EFR3B: variants seen among roughly 807,000 people sequenced by gnomAD.
EFR3B encodes protein EFR3 homolog B.
EFR3B carries 64 observed loss-of-function variants against 104.7 expected under a neutral mutation model. The observed-to-expected ratio is 0.61, with a 90% CI of 0.50 to 0.75. The LOEUF is 0.75. EFR3B is among the 30% of genes least tolerant of loss of function. The pLI is 0.00. For missense variants in EFR3B, 750 were observed against 1,078.5 expected, an observed-to-expected ratio of 0.70 and a Z score of 4.27; for synonymous variants, 385 against 417.9, an observed-to-expected ratio of 0.92 and a Z score of 0.96.
At chr2:25,047,327 C>G (rs1031299461) in intron 1 of EFR3B, among the ~76,000 whole-genome samples, 83 of 152,000 alleles carry the variant, frequency 5.5e-4, no homozygotes, top group Non-Finnish European at 1.0e-3. Flanking sequence ...AACCCTAGCT[C>G]CGACCCTCGG....
chr2:25,043,635 G>A (rs766258747), intron 1 of EFR3B, among the ~76,000 whole-genome samples: 1 of 152,228 alleles, frequency 6.6e-6, no homozygotes, highest in Admixed American at 6.5e-5. Context: ...GTGGGAGGAG[G>A]GGGAGGTTGG....
At position 25,080,941 on chromosome 2, in the gene EFR3B, C is replaced by T. The variant is rs957108222; in HGVS notation, c.8-10384C>T. 7.8e-6 allele frequency: 6 copies of T among 765,500 alleles called. No individual in the cohort carries two copies. In the African/African-American group the frequency reaches 1.0e-4, roughly 13 times the overall value. 47.4% of individuals were successfully genotyped at this position (765,500 alleles called of 1,614,324 possible). ...TTAGGTGGAAATCCCATCTTCTGTT[C>T]AAGCCGGAGAGCTTGTTCCTTTTTG... is the stretch of plus-strand genomic sequence containing the variant. On this transcript the variant is annotated intron_variant, in intron 1 of 22. Transcript: ENST00000403714.
At chr2:25,080,542 C>T in intron 1 of EFR3B, 1 of 483,322 alleles carries the variant, frequency 2.1e-6, no homozygotes, top group Non-Finnish European at 3.7e-6. Flanking sequence ...TATCTGCCCG[C>T]CTCGGCCTCC....
intron 4 of EFR3B, among the ~76,000 whole-genome samples, chr2:25,109,174 A>AC (rs1023560816): frequency 2.8e-4 from 25 of 89,802 alleles, no homozygotes; most frequent in South Asian, 1.5e-3. Flanking sequence ...CTTAACAACA[A>AC]AAAAAAAAAC....
intron 1 of EFR3B, among the ~76,000 whole-genome samples, chr2:25,069,891 G>T (rs1172365901): frequency 6.6e-6 from 1 of 152,110 alleles, no homozygotes; most frequent in African/African-American, 2.4e-5. Flanking sequence ...TAGAGACGGG[G>T]TTTCACCGTG....
chr2:25,052,480 T>G (rs901602266), intron 1 of EFR3B, among the ~76,000 whole-genome samples: 1 of 151,652 alleles, frequency 6.6e-6, no homozygotes, highest in Admixed American at 6.6e-5. Flanking sequence ...GGCACCACTA[T>G]GTGCCAGGCA....
intron 4 of EFR3B, among the ~76,000 whole-genome samples, chr2:25,121,288 G>A (rs1052144935): frequency 1.3e-5 from 2 of 152,162 alleles, no homozygotes; most frequent in Non-Finnish European, 2.9e-5. Context: ...CATTGAGGGT[G>A]GTGCTCCTGC....
chr2:25,096,176 T>TAG (rs1466769636), intron 3 of EFR3B, among the ~76,000 whole-genome samples: 2 of 152,122 alleles, frequency 1.3e-5, no homozygotes, highest in Non-Finnish European at 2.9e-5. Flanking sequence ...CCACCACACC[T>TAG]GGCTAATTTT....
At position 25,042,703 on chromosome 2, in the gene EFR3B, A is replaced by G; in HGVS notation, c.7+384A>G. ...GGAGTTTTCTGTGGGAAGCCGGTCC[A>G]GGGCTGAGGGAGACGCCCGCGGCCG... is the stretch of plus-strand genomic sequence containing the variant. On this transcript the variant is annotated intron_variant, in intron 1 of 22. Coordinates refer to ENST00000403714, the MANE Select transcript of EFR3B (RefSeq NM_014971.2). This position sits in a 1 kb window ranked among gnomAD's most constrained non-coding sequence, Gnocchi z 5.4. 1.0e-6 allele frequency: 1 copy of G among 998,186 alleles called. No homozygotes were observed. Among genetic ancestry groups the G allele is most frequent in the Non-Finnish European group, 1.2e-6 (1 of 838,272 alleles). 61.8% of individuals were successfully genotyped at this position (998,186 alleles called of 1,614,324 possible).
intron 1 of EFR3B, among the ~76,000 whole-genome samples, chr2:25,053,558 G>A (rs957775170): frequency 1.2e-4 from 18 of 152,212 alleles, no homozygotes; most frequent in Admixed American, 7.9e-4. Context: ...GAAACCAGGA[G>A]CCTGGCATTG....
rs893685982 is a variant in EFR3B, at chr2:25,137,446, G to C, written c.1666G>C (p.Glu556Gln). The part of the protein sequence containing the change: ...LYGLLALISI[E>Q]LANEEVVVDL... ...TGGCTTGCTGGCCCTCATCAGCATC[G>C]AGCTGGCTAACGAGGAGGTGGTGGT... Residue 556 changes from glutamate (E) to glutamine (Q), a missense_variant, in exon 15 of 23, where the codon GAG (glutamate) becomes CAG (glutamine). By Grantham distance (29) the Glu-to-Gln change is conservative. Transcript: ENST00000403714. This position sits in a 1 kb window ranked among gnomAD's most constrained non-coding sequence, Gnocchi z 4.7. The C allele has an allele frequency of 1.0e-5, 16 of 1,551,734 alleles. No individual in the cohort carries two copies. Among genetic ancestry groups the C allele is most frequent in the Non-Finnish European group, 1.4e-5 (16 of 1,147,004 alleles).
chr2:25,086,394 G>T (rs557092246), intron 1 of EFR3B, among the ~76,000 whole-genome samples: 9 of 152,178 alleles, frequency 5.9e-5, no homozygotes, highest in African/African-American at 2.2e-4. Context: ...ATGAATGAGG[G>T]TTCTTGCTGC....
intron 3 of EFR3B, among the ~76,000 whole-genome samples, chr2:25,097,963 C>T (rs1669330125): frequency 6.6e-6 from 1 of 152,156 alleles, no homozygotes; most frequent in African/African-American, 2.4e-5. Context: ...GATGGCCATG[C>T]CAGAGGGTTG....
intron 3 of EFR3B, 53 bp downstream of exon 3, chr2:25,093,183 C>T: frequency 6.5e-7 from 1 of 1,536,958 alleles, no homozygotes; most frequent in African/African-American, 1.4e-5. Flanking sequence ...TATTGTTAGG[C>T]TAAACATAGG....
intron 12 of EFR3B, 130 bp downstream of exon 12, chr2:25,133,564 C>T (rs770195619): frequency 2.3e-5 from 23 of 1,020,960 alleles, no homozygotes; most frequent in Admixed American, 4.0e-5. Context: ...TCGGTTGAGT[C>T]GGGGCTGAAA....
chr2:25,090,610 G>A (rs961243730), intron 1 of EFR3B, among the ~76,000 whole-genome samples: 2 of 152,128 alleles, frequency 1.3e-5, no homozygotes, highest in Non-Finnish European at 2.9e-5. Context: ...ACCACAAACC[G>A]GATGCCCCTC....
chr2:25,125,902 C>T (rs898569234), intron 5 of EFR3B, among the ~76,000 whole-genome samples: 4 of 152,136 alleles, frequency 2.6e-5, no homozygotes, highest in African/African-American at 4.8e-5. Flanking sequence ...GAGCCGAGAT[C>T]GTGCCTGGGT....
At chr2:25,149,556 G>A in intron 19 of EFR3B, 138 bp from the exon 20 acceptor site, 1 of 796,304 alleles carries the variant, frequency 1.3e-6, no homozygotes. Flanking sequence ...TGAGGGGGGT[G>A]GGGGTGTCCT....
rs531667109 is a variant in EFR3B at position 25,046,506 on chromosome 2, C to CTTT, written c.7+4201_7+4203dup. On this transcript the variant is annotated intron_variant, in intron 1 of 22. Transcript: ENST00000403714. ...GCAGGCTCCCCCTGAAGTACAAAGT[C>CTTT]TTTTTTTTTTTTTTTTGAGACGGAG... Among the ~76,000 whole-genome samples the CTTT allele has an allele frequency of 2.7e-3, 316 of 119,102 alleles. 18 individuals carry two copies. The highest frequency in any genetic ancestry group is 0.023 in the East Asian group (76 of 3,258). The allele number at this position is 119,102 out of a possible 152,430, so 78.1% of individuals were successfully genotyped here.
Sources: gnomAD v4.1 joint callset for allele counts (sites outside exome capture counted in the v4.1 genomes callset) on GRCh38, gnomAD v4.1.1 for gene constraint, Gnocchi (gnomAD v3.1) non-coding constraint, MANE v1.5 for transcripts, NCBI Gene and HGNC (gene_info 2026-07-23, HGNC 2026-07-21) for gene names.